Variants in DIP2C observed in about 807,000 individuals in gnomAD.
DIP2C encodes the protein disco-interacting protein 2 homolog C.
DIP2C carries 33 observed loss-of-function variants against 192.4 expected under a neutral mutation model. The ratio of observed to expected loss-of-function variants is 0.17; its 90% CI spans 0.13 to 0.23. The LOEUF (loss-of-function observed/expected upper bound fraction) is 0.23. DIP2C is among the 10% of genes least tolerant of loss of function. The probability of loss-of-function intolerance (pLI) is 1.00; values close to 1 mark genes in which losing one functional copy is unlikely to be tolerated. For synonymous variants in DIP2C, 979 were observed against 864.1 expected (o/e 1.13, Z -2.33); for missense variants, 1,537 against 2,110.1 (o/e 0.73, Z 5.32).
chr10:421,322 G>A (rs1350739335), intron 5 of DIP2C, among the ~76,000 whole-genome samples: 10 of 152,190 alleles, frequency 6.6e-5, no homozygotes, highest in Admixed American at 4.6e-4. Flanking sequence ...GCCAAGTGCC[G>A]TGATTCACTT....
At chr10:373,944 T>G (rs1961277176) in intron 17 of DIP2C, among the ~76,000 whole-genome samples, 1 of 152,194 alleles carries the variant, frequency 6.6e-6, no homozygotes, top group African/African-American at 2.4e-5. Flanking sequence ...ATACTCGCAA[T>G]AGCCCCCCGG....
chr10:608,105 ACACACACAC>A (rs1462217370), intron 1 of DIP2C, among the ~76,000 whole-genome samples: 7 of 145,372 alleles, frequency 4.8e-5, no homozygotes, highest in Admixed American at 6.7e-5. Flanking sequence ...CTAAAAAGGA[ACACACACAC>A]CACACACACA....
intron 4 of DIP2C, among the ~76,000 whole-genome samples, chr10:436,032 A>G (rs1417711702): frequency 1.3e-5 from 2 of 152,186 alleles, no homozygotes; most frequent in Non-Finnish European, 2.9e-5. Flanking sequence ...TGCTCATACT[A>G]TACTTTCAAT....
chr10:486,404 C>G, intron 2 of DIP2C, 55 bp downstream of exon 2: 1 of 1,489,288 alleles, frequency 6.7e-7, no homozygotes, highest in Non-Finnish European at 9.0e-7. Context: ...GTTTCTCTGG[C>G]ACATAGTGAA....
chr10:657,972 G>C (rs1441968958), intron 1 of DIP2C, among the ~76,000 whole-genome samples: 70 of 90,598 alleles, frequency 7.7e-4, no homozygotes, highest in East Asian at 1.7e-3. Context: ...TGGACCTGCC[G>C]CTGGACCTGC....
At chr10:415,680 A>G in intron 7 of DIP2C, 89 bp downstream of exon 7, 2 of 1,547,088 alleles carry the variant, frequency 1.3e-6, no homozygotes, top group Non-Finnish European at 1.8e-6. Flanking sequence ...CTGCTCTTAA[A>G]AAGTAAAATA....
chr10:649,830 G>T, intron 1 of DIP2C: 1 of 464,938 alleles, frequency 2.2e-6, no homozygotes, highest in Non-Finnish European at 3.8e-6. Flanking sequence ...GAAAACCATT[G>T]AAGTTTTTAT....
intron 35 of DIP2C, among the ~76,000 whole-genome samples, chr10:282,708 C>G (rs1016896737): frequency 1.3e-5 from 2 of 152,274 alleles, no homozygotes; most frequent in African/African-American, 2.4e-5. Context: ...AAAGGCAATG[C>G]TGTCCACCTG....
intron 1 of DIP2C, among the ~76,000 whole-genome samples, chr10:632,243 G>C (rs1006649485): frequency 6.6e-6 from 1 of 152,270 alleles, no homozygotes; most frequent in African/African-American, 2.4e-5. Context: ...CAAGGTGTGG[G>C]AGGACAGGGA....
intron 24 of DIP2C, among the ~76,000 whole-genome samples, chr10:355,703 T>C (rs1269269439): frequency 6.6e-6 from 1 of 152,236 alleles, no homozygotes; most frequent in Admixed American, 6.5e-5. Flanking sequence ...TCATGTAAAG[T>C]GTAAACAGGA....
intron 3 of DIP2C, among the ~76,000 whole-genome samples, chr10:446,367 T>C (rs1245443924): frequency 6.6e-6 from 1 of 152,142 alleles, no homozygotes; most frequent in Non-Finnish European, 1.5e-5. Context: ...CATGGTCCAC[T>C]GGGCATCTGT....
intron 1 of DIP2C, among the ~76,000 whole-genome samples, chr10:643,443 G>A (rs1043699953): frequency 6.0e-5 from 9 of 150,984 alleles, no homozygotes; most frequent in African/African-American, 1.7e-4. Flanking sequence ...GAACCCGGGA[G>A]GCGGAGCCTG....
rs189286710 is a variant in DIP2C at position 409,809 on chromosome 10, T to C, written c.1058-792A>G. On this transcript the variant is annotated intron_variant, in intron 8 of 36. Transcript: ENST00000280886. ...TTTAATCACAATCCTTGGATTCAGA[T>C]AAAGATAATGGTAAATGTAACAGTC... 3.9e-5 allele frequency among the ~76,000 whole-genome samples: 6 copies of C among 152,338 alleles called. No homozygotes were observed. The East Asian group carries it at 9.7e-4, about 25-fold the overall frequency.
chr10:659,462 T>G lies in DIP2C; in HGVS notation c.85+30032A>C, dbSNP rs890997888. Among the ~76,000 whole-genome samples the G allele has an allele frequency of 2.0e-5, 3 of 152,244 alleles. No homozygotes were observed. In the East Asian group the frequency reaches 5.8e-4, roughly 29 times the overall value. On this transcript the variant is annotated intron_variant, in intron 1 of 36. Coordinates refer to ENST00000280886, the MANE Select transcript of DIP2C (RefSeq NM_014974.3). ...AATGGTTTATCCCCCAAATGTAACT[T>G]CTTGTAATTAATAAACTCTACTTTA... is the stretch of plus-strand genomic sequence containing the variant.
At chr10:540,533 A>G in intron 1 of DIP2C, among the ~76,000 whole-genome samples, 1 of 152,220 alleles carries the variant, frequency 6.6e-6, no homozygotes, top group East Asian at 1.9e-4. Flanking sequence ...AGCCTATTCT[A>G]TAAGCAATCT....
At chr10:508,723 C>CCACCCTA (rs141279681) in intron 1 of DIP2C, among the ~76,000 whole-genome samples, 3,521 of 152,232 alleles carry the variant, frequency 0.023, 132 homozygotes, top group African/African-American at 0.08. Flanking sequence ...TTGCTTGCTG[C>CCACCCTA]CACCCTAACC....
chr10:564,289 A>AT (rs757830548), intron 1 of DIP2C, among the ~76,000 whole-genome samples: 33 of 150,848 alleles, frequency 2.2e-4, no homozygotes, highest in African/African-American at 6.6e-4. Context: ...AACCATCCTC[A>AT]TCTCCTTGAT....
chr10:413,706 A>T (rs1172593716), intron 8 of DIP2C, among the ~76,000 whole-genome samples: 1 of 136,912 alleles, frequency 7.3e-6, no homozygotes, highest in African/African-American at 2.7e-5. Flanking sequence ...GGCAGAGGGT[A>T]AACCTCCGGA....
At chr10:599,289 A>G (rs921864208) in intron 1 of DIP2C, among the ~76,000 whole-genome samples, 1 of 152,236 alleles carries the variant, frequency 6.6e-6, no homozygotes, top group African/African-American at 2.4e-5. Context: ...CACCCATTTA[A>G]ATACCCGGCA....
Sources: allele counts gnomAD v4.1 joint callset (sites outside exome capture counted in the v4.1 genomes callset), GRCh38; gene constraint gnomAD v4.1.1; transcripts MANE v1.5; gene names NCBI Gene and HGNC (gene_info 2026-07-23, HGNC 2026-07-21).